Variants in ATP11C observed in about 807,000 individuals in gnomAD.
ATP11C encodes the protein ATPase phospholipid transporting 11C (ATP11C blood group), also known as phospholipid-transporting ATPase IG.
A neutral mutation model predicts 97.4 loss-of-function variants in ATP11C; 36 were observed. That is an observed-to-expected ratio of 0.37 (90% CI 0.28 to 0.49). ATP11C has a LOEUF of 0.49. ATP11C is among the 20% of genes least tolerant of loss of function. The pLI is 0.98. For missense variants in ATP11C, 730 were observed against 824.6 expected, an observed-to-expected ratio of 0.89 and a Z score of 1.40; for synonymous variants, 275 against 290.9, an observed-to-expected ratio of 0.95 and a Z score of 0.56.
chrX:139,787,023 T>C, intron 15 of ATP11C, 150 bp downstream of exon 15: 4 of 821,383 alleles, frequency 4.9e-6, no homozygotes, highest in Non-Finnish European at 6.7e-6. Flanking sequence ...ACATGGCTTC[T>C]ACCCCAACTA....
intron 12 of ATP11C, 125 bp from the exon 13 acceptor site, chrX:139,789,613 T>A (rs2082647109): frequency 8.3e-6 from 4 of 479,467 alleles, no homozygotes; most frequent in Non-Finnish European, 1.3e-5. Context: ...TTGTCAAATG[T>A]CAGGGAATTA....
intron 1 of ATP11C, among the ~76,000 whole-genome samples, chrX:139,921,673 G>A (rs2085261395): frequency 9.0e-6 from 1 of 110,960 alleles, no homozygotes; most frequent in African/African-American, 3.3e-5. Context: ...TAAATGTGTT[G>A]GTAAGGAATG....
intron 1 of ATP11C, among the ~76,000 whole-genome samples, chrX:139,890,365 T>C (rs2084708598): frequency 9.0e-6 from 1 of 110,935 alleles, no homozygotes; most frequent in South Asian, 3.9e-4. Context: ...ACCTCATCTC[T>C]ACAAAAAATT....
Position 139,825,662 on chromosome X carries a change from C to T in ATP11C, c.147+1042G>A, listed in dbSNP as rs189448563. 6.0e-4 allele frequency among the ~76,000 whole-genome samples: 67 copies of T among 112,214 alleles called. 1 individual carries two copies. The highest frequency in any genetic ancestry group is 2.4e-3 in the Admixed American group (26 of 10,620). On this transcript the variant is annotated intron_variant, in intron 2 of 29. Coordinates refer to ENST00000682941, the MANE Select transcript of ATP11C (RefSeq NM_001353812.2). ...CAAAACATGATCACTACTGTATCAC[C>T]GCCCAAACAAGAAATTAAATGCATA...
rs780587243 is a variant in ATP11C, at chrX:139,782,531, A to T, written c.1952+16T>A. The stretch of plus-strand genomic sequence containing the variant: ...CACTGGTCATTAAAATAATAAGAGT[A>T]TCATTTTCTAGTTACTTGTCTTCAA... On this transcript the variant is annotated intron_variant, in intron 18 of 29. Transcript: ENST00000682941. 7.8e-6 allele frequency: 9 copies of T among 1,148,017 alleles called. No individual in the cohort carries two copies. The highest frequency in any genetic ancestry group is 7.6e-5 in the South Asian group (4 of 52,842). 94.6% of individuals were successfully genotyped at this position (1,148,017 alleles called of 1,213,427 possible).
Position 139,728,958 on chromosome X carries a change from G to A in ATP11C, c.*8C>T, listed in dbSNP as rs779997719. 14 of 1,184,065 alleles carry A rather than the reference G, an allele frequency of 1.2e-5. No individual in the cohort carries two copies. The highest frequency in any genetic ancestry group is 1.5e-5 in the Non-Finnish European group (13 of 874,440). On this transcript the variant is annotated 3_prime_UTR_variant, in exon 30 of 30. Transcript: ENST00000682941. ...CAATAACATAGGCAGTTCAAGATTC[G>A]GATTCTGAAAAATGTAAAATATACA...
At chrX:139,837,902 A>G (rs769851971) in intron 1 of ATP11C, among the ~76,000 whole-genome samples, 24 of 112,104 alleles carry the variant, frequency 2.1e-4, no homozygotes, top group Non-Finnish European at 4.3e-4. Flanking sequence ...TGCTGAGCAC[A>G]GCTAAACTAA....
chrX:139,795,776 C>T (rs987031102), intron 12 of ATP11C, among the ~76,000 whole-genome samples: 1 of 111,638 alleles, frequency 9.0e-6, no homozygotes, highest in African/African-American at 3.3e-5. Context: ...CATGCCCTCA[C>T]GTTTTCCCTT....
chrX:139,861,594 C>A (rs1193947995), intron 1 of ATP11C, among the ~76,000 whole-genome samples: 1 of 111,364 alleles, frequency 9.0e-6, no homozygotes, highest in East Asian at 2.8e-4. Flanking sequence ...GATGAGGACA[C>A]TGAAGCACAA....
intron 22 of ATP11C, among the ~76,000 whole-genome samples, chrX:139,759,163 A>C (rs1220121936): frequency 8.9e-6 from 1 of 111,831 alleles, no homozygotes; most frequent in African/African-American, 3.3e-5. Context: ...AGTGGGGATC[A>C]TGGGGATGCT....
chrX:139,859,823 T>A (rs113559152), intron 1 of ATP11C, among the ~76,000 whole-genome samples: 2 of 86,920 alleles, frequency 2.3e-5, no homozygotes, highest in Non-Finnish European at 3.9e-5. Flanking sequence ...AGTGCTTGGC[T>A]GGGCGCGGTG....
At chrX:139,787,993 C>A (rs56171811) in intron 14 of ATP11C, among the ~76,000 whole-genome samples, 199 bp downstream of exon 14, 21,586 of 111,706 alleles carry the variant, frequency 0.19, 3,531 homozygotes, top group African/African-American at 0.54. Flanking sequence ...TAATACCTAC[C>A]TGTAACTATT....
chrX:139,755,732 T>TC (rs1183109367), intron 23 of ATP11C, among the ~76,000 whole-genome samples: 2 of 111,939 alleles, frequency 1.8e-5, no homozygotes, highest in East Asian at 5.6e-4. Context: ...GGGAAAAGAA[T>TC]CCCTATTCAA....
intron 28 of ATP11C, chrX:139,732,301 A>G: frequency 4.8e-6 from 1 of 209,897 alleles, no homozygotes; most frequent in Non-Finnish European, 9.1e-6. Flanking sequence ...GATTAAAAGA[A>G]AATGACAAAA....
intron 1 of ATP11C, among the ~76,000 whole-genome samples, chrX:139,913,294 T>C (rs1177746118): frequency 8.9e-6 from 1 of 112,102 alleles, no homozygotes; most frequent in Non-Finnish European, 1.9e-5. Flanking sequence ...ATTAGTGCTG[T>C]TAGCTAAAAG....
intron 20 of ATP11C, among the ~76,000 whole-genome samples, chrX:139,764,981 C>T (rs1171568876): frequency 2.7e-5 from 3 of 111,809 alleles, no homozygotes; most frequent in African/African-American, 9.7e-5. Context: ...TGTGCAGTAA[C>T]GATTTGCACC....
At chrX:139,910,310 A>G (rs906891140) in intron 1 of ATP11C, among the ~76,000 whole-genome samples, 1 of 111,418 alleles carries the variant, frequency 9.0e-6, no homozygotes, top group African/African-American at 3.3e-5. Flanking sequence ...TATTAAAAGG[A>G]GATGACAGAA....
intron 1 of ATP11C, among the ~76,000 whole-genome samples, chrX:139,902,971 C>T (rs1430335904): frequency 8.9e-6 from 1 of 111,776 alleles, no homozygotes; most frequent in Non-Finnish European, 1.9e-5. Flanking sequence ...CAAGAGATAA[C>T]ATTGTCTATA....
At chrX:139,792,937 T>C (rs1481473276) in intron 12 of ATP11C, among the ~76,000 whole-genome samples, 3 of 112,082 alleles carry the variant, frequency 2.7e-5, no homozygotes, top group South Asian at 3.7e-4. Flanking sequence ...AAAGAGGGGA[T>C]TGTGGGTAGC....
Sources: gnomAD v4.1 joint callset for allele counts (sites outside exome capture counted in the v4.1 genomes callset) on GRCh38, gnomAD v4.1.1 for gene constraint, MANE v1.5 for transcripts, NCBI Gene and HGNC (gene_info 2026-07-23, HGNC 2026-07-21) for gene names.